Variants in FKTN observed in about 807,000 individuals in gnomAD.
FKTN encodes ribitol-5-phosphate transferase FKTN.
In FKTN, 47 loss-of-function variants were observed where a neutral mutation model predicts 58.6. The observed-to-expected ratio is 0.80, with a 90% CI of 0.63 to 1.02. FKTN has a LOEUF of 1.02. Ranked by LOEUF, FKTN falls within the 50% of genes least tolerant of loss-of-function variation. FKTN has a pLI of 0.00. For synonymous variants in FKTN, 178 were observed against 191.9 expected, an observed-to-expected ratio of 0.93 and a Z score of 0.60; for missense variants, 516 against 537.3, an observed-to-expected ratio of 0.96 and a Z score of 0.39.
intron 3 of FKTN, among the ~76,000 whole-genome samples, chr9:105,589,895 G>T (rs1020132588): frequency 6.6e-6 from 1 of 152,156 alleles, no homozygotes; most frequent in Non-Finnish European, 1.5e-5. Context: ...GATCAATGTG[G>T]CTGTAGACAA....
chr9:105,604,133 T>G (rs935722317), intron 5 of FKTN, 82 bp from the exon 6 acceptor site: 15 of 1,396,996 alleles, frequency 1.1e-5, no homozygotes, highest in African/African-American at 4.2e-5. Context: ...AAGAATCACT[T>G]TAGTTTTGCT....
rs1430884213 is a variant in FKTN, at chr9:105,615,283, C to T, written c.786C>T (p.Tyr262=). Residue 262 remains tyrosine (Y), a synonymous_variant, in exon 8 of 11, where the codon TAC becomes TAT. Transcript: ENST00000357998. ...YKEARAFFQQ[Y]LDDNTVEAVA... ...ACTATTTATTATATCTGTAGCAGTA[C>T]CTTGATGATAACACTGTGGAAGCTG... 1 of 1,613,830 alleles carries T rather than the reference C, an allele frequency of 6.2e-7. No homozygotes were observed. The highest frequency in any genetic ancestry group is 1.1e-5 in the South Asian group (1 of 91,076).
chr9:105,567,593 A>G (rs1436809654), intron 1 of FKTN, among the ~76,000 whole-genome samples: 2 of 152,356 alleles, frequency 1.3e-5, no homozygotes, highest in African/African-American at 4.8e-5. Context: ...AGGGATGTGA[A>G]GGACCTCTTT....
intron 4 of FKTN, among the ~76,000 whole-genome samples, chr9:105,597,148 A>G (rs898701944): frequency 3.9e-5 from 6 of 152,210 alleles, no homozygotes; most frequent in Admixed American, 3.9e-4. Flanking sequence ...TTGATAAAAT[A>G]TATTTTCCTA....
chr9:105,579,344 C>G (rs1281910277), intron 3 of FKTN, among the ~76,000 whole-genome samples: 3 of 151,946 alleles, frequency 2.0e-5, no homozygotes, highest in Non-Finnish European at 4.4e-5. Context: ...TAAACATGTC[C>G]CAGAGATTCT....
chr9:105,636,348 T>C lies in FKTN; in HGVS notation c.*1084T>C. Reference sequence around the variant, plus strand: ...AACCTGCCTGTTTCTTCTCCTCTTCTAATATATCAGATCTCCAAAATGGAA... The same window carrying C: ...AACCTGCCTGTTTCTTCTCCTCTTCCAATATATCAGATCTCCAAAATGGAA... On this transcript the variant is annotated 3_prime_UTR_variant, in exon 11 of 11. Transcript: ENST00000357998. 2.0e-6 allele frequency: 2 copies of C among 982,474 alleles called. No homozygotes were observed. The highest frequency in any genetic ancestry group is 1.7e-5 in the African/African-American group (1 of 57,288). 60.9% of individuals were successfully genotyped at this position (982,474 alleles called of 1,614,324 possible). A position where few individuals can be genotyped will look rare whatever the true frequency, so the allele number is the denominator to read the frequency against.
At chr9:105,584,991 C>T (rs1843654503) in intron 3 of FKTN, among the ~76,000 whole-genome samples, 1 of 152,042 alleles carries the variant, frequency 6.6e-6, no homozygotes, top group Admixed American at 6.5e-5. Flanking sequence ...GTGGTTTCTT[C>T]CTGCCCAATA....
chr9:105,590,498 A>T (rs1844672328), intron 3 of FKTN, among the ~76,000 whole-genome samples: 1 of 152,200 alleles, frequency 6.6e-6, no homozygotes, highest in African/African-American at 2.4e-5. Context: ...AAGAGATGAT[A>T]ATGATTTGGA....
At position 105,619,935 on chromosome 9, in the gene FKTN, T is replaced by C. The variant is rs539089647; in HGVS notation, c.1046T>C (p.Val349Ala). ...GLPLKHKFGK[V>A]EDSLELSFQG... is the part of the protein sequence containing the mutation. ...TGAAGGTTTTCATCTTCCCCATAGG[T>C]AGAAGACAGCTTGGAACTATCCTTC... The change falls in exon 10 of 11, where the codon GTA (valine) becomes GCA (alanine). Residue 349 changes from valine (V) to alanine (A), a missense_variant and splice_region_variant. Val to Ala is a moderately conservative substitution (Grantham distance 64). Transcript: ENST00000357998. The C allele has an allele frequency of 8.1e-6, 13 of 1,611,374 alleles. No homozygotes were observed. The African/African-American group carries it at 1.5e-4, about 18-fold the overall frequency.
intron 1 of FKTN, among the ~76,000 whole-genome samples, chr9:105,559,654 G>A (rs745994908): frequency 1.3e-5 from 2 of 151,762 alleles, no homozygotes; most frequent in Admixed American, 6.6e-5. Context: ...ACTGCACTCC[G>A]GCCTGGGCAA....
chr9:105,620,826 A>T (rs1355236888), intron 10 of FKTN, among the ~76,000 whole-genome samples: 1 of 124,994 alleles, frequency 8.0e-6, no homozygotes, highest in Non-Finnish European at 1.7e-5. Flanking sequence ...AGTAGTAAAG[A>T]AAACTATTTC....
At position 105,639,099 on chromosome 9, in the gene FKTN, A is replaced by G. The variant is rs141926391; in HGVS notation, c.*3835A>G. 1.0e-6 allele frequency: 1 copy of G among 985,134 alleles called. No individual in the cohort carries two copies. Among genetic ancestry groups the G allele is most frequent in the African/African-American group, 1.7e-5 (1 of 57,350 alleles). The allele number at this position is 985,134 out of a possible 1,614,324, so 61.0% of individuals were successfully genotyped here. ...AATGTTATAAATCCTTAGGAGAAAT[A>G]TTCCCTCAAAACCTAGTCAAGAAAG... On this transcript the variant is annotated 3_prime_UTR_variant, in exon 11 of 11. Transcript: ENST00000357998.
intron 1 of FKTN, among the ~76,000 whole-genome samples, chr9:105,571,817 C>A (rs1158301804): frequency 6.6e-6 from 1 of 152,162 alleles, no homozygotes; most frequent in East Asian, 1.9e-4. Context: ...GGTTGAGCAT[C>A]CCAAATCTGA....
chr9:105,568,678 T>C (rs10991688), intron 1 of FKTN, among the ~76,000 whole-genome samples: 18,791 of 152,270 alleles, frequency 0.12, 1,490 homozygotes, highest in Admixed American at 0.23. Flanking sequence ...GGAACACTTT[T>C]ACACTGTTGG....
intron 3 of FKTN, among the ~76,000 whole-genome samples, chr9:105,583,628 A>G (rs1417676926): frequency 6.6e-6 from 1 of 152,110 alleles, no homozygotes; most frequent in Non-Finnish European, 1.5e-5. Flanking sequence ...TATATATTTC[A>G]AATATTTTTC....
chr9:105,572,578 G>A (rs1397370078), intron 1 of FKTN, among the ~76,000 whole-genome samples: 1 of 152,166 alleles, frequency 6.6e-6, no homozygotes, highest in Non-Finnish European at 1.5e-5. Flanking sequence ...GGATCAGGAT[G>A]CATAGAAAGG....
chr9:105,563,383 AGG>A (rs1222715376), intron 1 of FKTN, among the ~76,000 whole-genome samples: 2 of 118,010 alleles, frequency 1.7e-5, no homozygotes, highest in South Asian at 5.8e-4. Context: ...GCAAGGGGTC[AGG>A]GAATTCCCTT....
At chr9:105,574,220 A>C (rs576815694) in intron 2 of FKTN, 1 of 152,188 alleles carries the variant, frequency 6.6e-6, no homozygotes, top group South Asian at 2.1e-4. Context: ...AGACATATAA[A>C]CCTTAGATAT....
chr9:105,567,692 A>G (rs1839926942), intron 1 of FKTN, among the ~76,000 whole-genome samples: 1 of 152,236 alleles, frequency 6.6e-6, no homozygotes, highest in African/African-American at 2.4e-5. Context: ...GGAAGAATCG[A>G]TATCTTGAAA....
Sources: gnomAD v4.1 joint callset for allele counts (sites outside exome capture counted in the v4.1 genomes callset) on GRCh38, gnomAD v4.1.1 for gene constraint, MANE v1.5 for transcripts, NCBI Gene and HGNC (gene_info 2026-07-23, HGNC 2026-07-21) for gene names.